MCPH1: variants seen among roughly 807,000 people sequenced by gnomAD.
The protein encoded by MCPH1 is microcephalin 1, also known as microcephalin.
Under a neutral mutation model 84.5 loss-of-function variants are expected in MCPH1, and 104 were observed. That is an observed-to-expected ratio of 1.23 (90% CI 1.05 to 1.45). The LOEUF (loss-of-function observed/expected upper bound fraction) is 1.45, where lower values mean the gene tolerates loss of function less well. Ranked by LOEUF, MCPH1 falls within the 40% of genes most tolerant of loss-of-function variation. The probability of loss-of-function intolerance (pLI) is 0.00; values close to 1 mark genes in which losing one functional copy is unlikely to be tolerated. For missense variants in MCPH1, 1,498 were observed against 1,005.7 expected, an observed-to-expected ratio of 1.49 and a Z score of -6.62; for synonymous variants, 514 against 366.8, an observed-to-expected ratio of 1.40 and a Z score of -4.58.
intron 12 of MCPH1, among the ~76,000 whole-genome samples, chr8:6,568,885 A>G (rs961150329): frequency 6.6e-6 from 1 of 152,178 alleles, no homozygotes; most frequent in Admixed American, 6.5e-5. Flanking sequence ...TAATTTTTGG[A>G]AAGTGCCTTG....
In MCPH1 at chr8:6,548,058, G is replaced by T. The variant is rs916112169; in HGVS notation, c.2214+48129G>T. Among the ~76,000 whole-genome samples, 5 of 152,112 alleles carry T rather than the reference G, an allele frequency of 3.3e-5. 1 individual carries two copies. Among genetic ancestry groups the T allele is most frequent in the African/African-American group, 1.2e-4 (5 of 41,412 alleles). On this transcript the variant is annotated intron_variant, in intron 12 of 13. Coordinates refer to ENST00000344683, the MANE Select transcript of MCPH1 (RefSeq NM_024596.5). ...TCCAAGTGCCAGCTTAAACTTTGTG[G>T]TTTAGTGTCTTTACTGAATCCCCCC...
At chr8:6,477,685 T>G (rs1808661224) in intron 10 of MCPH1, 54 bp downstream of exon 10, 1 of 1,496,024 alleles carries the variant, frequency 6.7e-7, no homozygotes. Context: ...TTTTCTCTCT[T>G]ATACTCTAAT....
intron 11 of MCPH1, among the ~76,000 whole-genome samples, chr8:6,484,437 G>A (rs1809608060): frequency 1.3e-5 from 2 of 152,266 alleles, no homozygotes. Context: ...GCTGGTGTGT[G>A]TGGGAAGTGG....
At chr8:6,544,065 C>G (rs766867619) in intron 12 of MCPH1, among the ~76,000 whole-genome samples, 11 of 152,134 alleles carry the variant, frequency 7.2e-5, no homozygotes, top group Non-Finnish European at 1.6e-4. Flanking sequence ...AAACAATATT[C>G]AATACCTAGA....
chr8:6,427,053 C>T (rs975298061), intron 3 of MCPH1, among the ~76,000 whole-genome samples: 1 of 152,222 alleles, frequency 6.6e-6, no homozygotes, highest in Non-Finnish European at 1.5e-5. Context: ...GTGGCACAAC[C>T]TGTTGCTCCT....
intron 12 of MCPH1, among the ~76,000 whole-genome samples, chr8:6,601,791 C>G (rs1014318386): frequency 1.6e-4 from 25 of 151,876 alleles, no homozygotes; most frequent in Non-Finnish European, 7.4e-5. Flanking sequence ...CACATATACC[C>G]ACACCACACA....
At chr8:6,412,135 C>G (rs1479008675) in intron 2 of MCPH1, among the ~76,000 whole-genome samples, 1 of 152,156 alleles carries the variant, frequency 6.6e-6, no homozygotes, top group Non-Finnish European at 1.5e-5. Flanking sequence ...TAATGCCTGT[C>G]TTGAGTAAGA....
intron 12 of MCPH1, among the ~76,000 whole-genome samples, chr8:6,533,744 G>T (rs1819979313): frequency 6.6e-6 from 1 of 151,982 alleles, no homozygotes; most frequent in African/African-American, 2.4e-5. Flanking sequence ...AACTGGTTCT[G>T]GTGCCCTCCT....
At chr8:6,624,892 T>C (rs1007772013) in intron 13 of MCPH1, 1 of 910,874 alleles carries the variant, frequency 1.1e-6, no homozygotes, top group Admixed American at 6.2e-5. Context: ...TTTTTTTTTC[T>C]GAGATGGAGT....
intron 8 of MCPH1, among the ~76,000 whole-genome samples, chr8:6,448,692 G>A (rs768636208): frequency 7.9e-5 from 12 of 152,136 alleles, no homozygotes; most frequent in Admixed American, 7.2e-4. Context: ...TGCATGCATA[G>A]AATTATATTG....
intron 12 of MCPH1, among the ~76,000 whole-genome samples, chr8:6,598,257 G>A (rs1458797330): frequency 6.6e-6 from 1 of 152,352 alleles, no homozygotes; most frequent in African/African-American, 2.4e-5. Flanking sequence ...GGGTGGGGAA[G>A]AGGGTCTGTA....
At chr8:6,443,412 A>G (rs537094660) in intron 7 of MCPH1, among the ~76,000 whole-genome samples, 2 of 148,094 alleles carry the variant, frequency 1.4e-5, no homozygotes, top group East Asian at 3.9e-4. Flanking sequence ...CACAGTTGGA[A>G]GGGAAGCTTT....
intron 12 of MCPH1, among the ~76,000 whole-genome samples, chr8:6,602,788 G>T (rs1040022561): frequency 6.6e-6 from 1 of 151,712 alleles, no homozygotes; most frequent in African/African-American, 2.4e-5. Flanking sequence ...CTCCTGTTCT[G>T]ACCTCCCCAC....
chr8:6,540,881 G>A (rs889718274), intron 12 of MCPH1, among the ~76,000 whole-genome samples: 11 of 152,250 alleles, frequency 7.2e-5, no homozygotes, highest in African/African-American at 2.4e-4. Flanking sequence ...GCGCTGGCTG[G>A]TAAGAAGCCC....
At chr8:6,443,345 A>G (rs534426870) in intron 7 of MCPH1, among the ~76,000 whole-genome samples, 1 of 148,954 alleles carries the variant, frequency 6.7e-6, no homozygotes, top group East Asian at 1.9e-4. Flanking sequence ...AGATATATTG[A>G]GCATCTAAAA....
intron 12 of MCPH1, among the ~76,000 whole-genome samples, chr8:6,566,115 A>G (rs945609408): frequency 6.6e-6 from 1 of 152,238 alleles, no homozygotes; most frequent in Non-Finnish European, 1.5e-5. Flanking sequence ...CTGGGCTCCA[A>G]TAAAGCTTTA....
At chr8:6,594,738 G>C (rs538636716) in intron 12 of MCPH1, among the ~76,000 whole-genome samples, 4 of 146,314 alleles carry the variant, frequency 2.7e-5, no homozygotes, top group African/African-American at 1.1e-4. Flanking sequence ...GGGAGGATTG[G>C]CCTGTCACTT....
chr8:6,620,836 A>T (rs1327712259), intron 12 of MCPH1, among the ~76,000 whole-genome samples: 2 of 152,150 alleles, frequency 1.3e-5, no homozygotes, highest in South Asian at 4.1e-4. Context: ...CCTGCTTCTG[A>T]AATGTTTCCC....
chr8:6,612,356 G>GT (rs1211130396), intron 12 of MCPH1, among the ~76,000 whole-genome samples: 1 of 152,076 alleles, frequency 6.6e-6, no homozygotes, highest in East Asian at 1.9e-4. Flanking sequence ...CTTCCCGGGC[G>GT]TGATAACTCT....
Sources: gnomAD v4.1 joint callset for allele counts (sites outside exome capture counted in the v4.1 genomes callset) on GRCh38, gnomAD v4.1.1 for gene constraint, MANE v1.5 for transcripts, NCBI Gene and HGNC (gene_info 2026-07-23, HGNC 2026-07-21) for gene names.